The following CHD7 variants were observed in gnomAD, a reference collection of about 807,000 sequenced individuals.
CHD7 encodes chromodomain helicase DNA binding protein 7.
CHD7 carries 24 observed loss-of-function variants against 307.3 expected under a neutral mutation model. That is an observed-to-expected ratio of 0.08 (90% confidence interval 0.06 to 0.11). The LOEUF is 0.11. Ranked by LOEUF, CHD7 falls within the 10% of genes least tolerant of loss-of-function variation. The pLI is 1.00. For missense variants in CHD7, 3,106 were observed against 3,727.1 expected (o/e 0.83, Z 4.34); for synonymous variants, 1,363 against 1,349.9 (o/e 1.01, Z -0.21).
intron 1 of CHD7, among the ~76,000 whole-genome samples, chr8:60,702,665 A>G (rs1488898500): frequency 6.6e-6 from 1 of 152,262 alleles, no homozygotes; most frequent in Non-Finnish European, 1.5e-5. Flanking sequence ...GTGACAAAGA[A>G]TTTGCATATA....
At chr8:60,822,368 T>C (rs1804083692) in intron 11 of CHD7, 135 bp from the exon 12 acceptor site, 1 of 875,684 alleles carries the variant, frequency 1.1e-6, no homozygotes, top group Admixed American at 3.3e-5. Context: ...TGAAAATATA[T>C]TTTGTTGAAT....
chr8:60,782,558 C>G (rs1263752362), intron 3 of CHD7, among the ~76,000 whole-genome samples: 1 of 152,106 alleles, frequency 6.6e-6, no homozygotes, highest in Non-Finnish European at 1.5e-5. Flanking sequence ...CCCTCAACAC[C>G]TTTTATGGTG....
At chr8:60,710,495 C>T (rs1202456114) in intron 1 of CHD7, among the ~76,000 whole-genome samples, 3 of 152,140 alleles carry the variant, frequency 2.0e-5, no homozygotes, top group Non-Finnish European at 4.4e-5. Context: ...TTCTAACGTG[C>T]AATTGATTTC....
intron 1 of CHD7, among the ~76,000 whole-genome samples, chr8:60,732,681 G>A (rs1372191585): frequency 4.6e-5 from 7 of 151,848 alleles, no homozygotes; most frequent in Admixed American, 4.6e-4. Context: ...CACCACCCTG[G>A]GCTTTACAAA....
chr8:60,722,694 T>C (rs191169222), intron 1 of CHD7, among the ~76,000 whole-genome samples: 8 of 152,340 alleles, frequency 5.3e-5, no homozygotes, highest in Admixed American at 5.2e-4. Flanking sequence ...TGAGATTCCT[T>C]CCTATTTTTA....
At chr8:60,767,609 G>C (rs111351677) in intron 2 of CHD7, among the ~76,000 whole-genome samples, 1 of 152,178 alleles carries the variant, frequency 6.6e-6, no homozygotes, top group Non-Finnish European at 1.5e-5. Flanking sequence ...AGCTGTGCTG[G>C]GAAGAATTTG....
rs2129785924 is a variant in CHD7, at chr8:60,867,269, G to A, written c.*1336G>A. ...AGGCTTTAACAGGCACAATATCTAG[G>A]TCATTTATCCTTGGTTAATGGGTAG... On this transcript the variant is annotated 3_prime_UTR_variant, in exon 38 of 38. Coordinates refer to ENST00000423902, the MANE Select transcript of CHD7 (RefSeq NM_017780.4). 1 of 152,300 alleles carries A rather than the reference G, an allele frequency of 6.6e-6. No individual in the cohort carries two copies. Among genetic ancestry groups the A allele is most frequent in the East Asian group, 1.9e-4 (1 of 5,192 alleles). The allele number at this position is 152,300 out of a possible 1,614,324, so 9.4% of individuals were successfully genotyped here.
chr8:60,733,178 G>A (rs1341792938), intron 1 of CHD7, among the ~76,000 whole-genome samples: 1 of 151,530 alleles, frequency 6.6e-6, no homozygotes, highest in Non-Finnish European at 1.5e-5. Flanking sequence ...GGAGACTGCA[G>A]TGAGCTATGA....
chr8:60,837,639 A>G (rs1245322061), intron 17 of CHD7, 29 bp from the exon 18 acceptor site: 2 of 1,507,318 alleles, frequency 1.3e-6, no homozygotes. Context: ...GGTTCATTGC[A>G]GTAACTATTA....
intron 2 of CHD7, among the ~76,000 whole-genome samples, chr8:60,775,174 A>C (rs1810892075): frequency 6.6e-6 from 1 of 152,126 alleles, no homozygotes; most frequent in South Asian, 2.1e-4. Context: ...ATAATTTTTC[A>C]GCTAGATGTT....
At chr8:60,700,260 C>T (rs1256270089) in intron 1 of CHD7, among the ~76,000 whole-genome samples, 11 of 152,146 alleles carry the variant, frequency 7.2e-5, no homozygotes, top group Admixed American at 7.2e-4. Flanking sequence ...CTCTTTCTAA[C>T]CATATTGGCT....
At chr8:60,744,866 A>ATT (rs1294663401) in intron 2 of CHD7, among the ~76,000 whole-genome samples, 1 of 52,846 alleles carries the variant, frequency 1.9e-5, no homozygotes, top group Non-Finnish European at 3.8e-5. Flanking sequence ...AAAAAAAAAA[A>ATT]TTTTTTTTTT....
In CHD7 at chr8:60,741,632, C is replaced by T; in HGVS notation, c.200C>T (p.Thr67Ile). The T allele has an allele frequency of 2.5e-6, 4 of 1,613,730 alleles. No homozygotes were observed. The highest frequency in any genetic ancestry group is 3.4e-6 in the Non-Finnish European group (4 of 1,179,740). ...PSTNQNQTKL[T>I]HFDHYNQYEQ... ...ACTAATCAAAATCAAACAAAGCTGACACATTTTGATCACTATAATCAGTAT... is the reference window on the plus strand; with the variant it reads ...ACTAATCAAAATCAAACAAAGCTGATACATTTTGATCACTATAATCAGTAT... The change falls in exon 2 of 38, where the codon ACA becomes ATA. Residue 67 changes from threonine to isoleucine, a missense_variant. By Grantham distance (89) the Thr-to-Ile change is moderately conservative. Coordinates refer to ENST00000423902, the MANE Select transcript of CHD7 (RefSeq NM_017780.4).
chr8:60,862,928 C>T (rs1243140783), intron 37 of CHD7: 1 of 385,230 alleles, frequency 2.6e-6, no homozygotes, highest in Non-Finnish European at 4.7e-6. Flanking sequence ...CCCAGCTAAG[C>T]CTACTTAACA....
chr8:60,709,007 C>T (rs1807153022), intron 1 of CHD7, among the ~76,000 whole-genome samples: 2 of 152,130 alleles, frequency 1.3e-5, no homozygotes, highest in South Asian at 4.2e-4. Flanking sequence ...TGGGGTGACT[C>T]ATTGCTCTGT....
intron 3 of CHD7, among the ~76,000 whole-genome samples, chr8:60,787,840 T>TG (rs1225055076): frequency 4.0e-5 from 6 of 149,834 alleles, no homozygotes. Context: ...TTTTTTTTTT[T>TG]TTTTTTTTGA....
intron 1 of CHD7, among the ~76,000 whole-genome samples, chr8:60,706,533 A>G (rs1023655208): frequency 1.3e-5 from 2 of 152,202 alleles, no homozygotes; most frequent in East Asian, 3.8e-4. Flanking sequence ...ATTACGTATT[A>G]TGAAACTTCT....
At chr8:60,855,172 A>AG (rs1446777388) in intron 32 of CHD7, 3 of 151,762 alleles carry the variant, frequency 2.0e-5, no homozygotes, top group Admixed American at 2.0e-4. Context: ...CCTACCCCCC[A>AG]GGCTCGTCTT....
At chr8:60,691,546 C>T (rs957759726) in intron 1 of CHD7, among the ~76,000 whole-genome samples, 2 of 152,178 alleles carry the variant, frequency 1.3e-5, no homozygotes, top group Non-Finnish European at 1.5e-5. Flanking sequence ...TGTCCATTAT[C>T]CTCCAGGCAG....
Sources: gnomAD v4.1 joint callset for allele counts (sites outside exome capture counted in the v4.1 genomes callset) on GRCh38, gnomAD v4.1.1 for gene constraint, MANE v1.5 for transcripts, NCBI Gene and HGNC (gene_info 2026-07-23, HGNC 2026-07-21) for gene names.